Variants in PMFBP1 observed in about 807,000 individuals in gnomAD.
PMFBP1 encodes polyamine-modulated factor 1-binding protein 1.
PMFBP1 carries 131 observed loss-of-function variants against 137.8 expected under a neutral mutation model. The ratio of observed to expected loss-of-function variants is 0.95; its 90% confidence interval spans 0.82 to 1.10. PMFBP1 has a LOEUF of 1.10. PMFBP1 is among the 50% of genes least tolerant of loss of function. PMFBP1 has a pLI of 0.00. For missense variants in PMFBP1, 1,199 were observed against 1,175.4 expected (o/e 1.02, Z -0.29); for synonymous variants, 490 against 450.4 (o/e 1.09, Z -1.11).
the PMFBP1 span, among the ~76,000 whole-genome samples, chr16:72,242,257 AC>A: frequency 6.6e-6 from 1 of 152,266 alleles, no homozygotes; most frequent in African/African-American, 2.4e-5. Flanking sequence ...GCACTAGATT[AC>A]AGAGCCCATC....
intron 18 of PMFBP1, among the ~76,000 whole-genome samples, chr16:72,123,229 A>T (rs1174147652): frequency 6.6e-6 from 1 of 152,194 alleles, no homozygotes; most frequent in East Asian, 1.9e-4. Flanking sequence ...GAATGAGTTC[A>T]AGGGGGCCAG....
At chr16:72,192,830 A>C in the PMFBP1 span, among the ~76,000 whole-genome samples, 2 of 150,846 alleles carry the variant, frequency 1.3e-5, no homozygotes, top group African/African-American at 4.9e-5. Flanking sequence ...TGAACTCGGG[A>C]GGCGAAAGTC....
intron 3 of PMFBP1, chr16:72,164,409 C>T: frequency 7.6e-7 from 1 of 1,311,786 alleles, no homozygotes; most frequent in Non-Finnish European, 1.0e-6. Context: ...TCATGGTTGA[C>T]TTAGAAGTTT....
the PMFBP1 span, among the ~76,000 whole-genome samples, chr16:72,189,813 A>G: frequency 6.6e-6 from 1 of 152,336 alleles, no homozygotes; most frequent in Admixed American, 6.5e-5. Context: ...CTGATAACTC[A>G]GAGGGTAGGG....
At chr16:72,123,020 C>T (rs1289271832) in intron 18 of PMFBP1, 32 bp from the exon 19 acceptor site, 2 of 1,593,272 alleles carry the variant, frequency 1.3e-6, no homozygotes, top group Admixed American at 1.7e-5. Context: ...AAACAGCAGC[C>T]AGTCGCCAGC....
At chr16:72,213,184 T>A in the PMFBP1 span, among the ~76,000 whole-genome samples, 2 of 132,548 alleles carry the variant, frequency 1.5e-5, no homozygotes, top group Non-Finnish European at 3.2e-5. Context: ...TGGTCCAGAT[T>A]ACAGCAAGAG....
the PMFBP1 span, among the ~76,000 whole-genome samples, chr16:72,193,168 C>G: frequency 6.6e-6 from 1 of 152,116 alleles, no homozygotes; most frequent in Non-Finnish European, 1.5e-5. Flanking sequence ...GAGAGGATCA[C>G]TTGAGGCCAG....
At chr16:72,243,782 T>G in the PMFBP1 span, among the ~76,000 whole-genome samples, 1 of 152,136 alleles carries the variant, frequency 6.6e-6, no homozygotes, top group Non-Finnish European at 1.5e-5. Flanking sequence ...TTTAAAGATC[T>G]CTGCCTAAAC....
upstream of PMFBP1, among the ~76,000 whole-genome samples, chr16:72,177,199 T>C (rs557790288): frequency 6.6e-6 from 1 of 152,360 alleles, no homozygotes; most frequent in African/African-American, 2.4e-5. Context: ...CTTTACGAGA[T>C]ATATTCTTTC....
At chr16:72,171,911 G>A (rs1596983145) in intron 1 of PMFBP1, 143 bp downstream of exon 1, 2 of 152,202 alleles carry the variant, frequency 1.3e-5, no homozygotes, top group East Asian at 1.9e-4. Flanking sequence ...AAGCCTCCCA[G>A]GAAACCAAAG....
the PMFBP1 span, among the ~76,000 whole-genome samples, chr16:72,219,886 C>G: frequency 6.9e-4 from 105 of 152,276 alleles, no homozygotes; most frequent in African/African-American, 2.5e-3. Context: ...CAGGTCTTGG[C>G]CATGTTAGGG....
At chr16:72,225,379 G>A in the PMFBP1 span, among the ~76,000 whole-genome samples, 43 of 152,154 alleles carry the variant, frequency 2.8e-4, no homozygotes, top group Middle Eastern at 6.8e-3. Flanking sequence ...CAGGACAGCA[G>A]GGAAATAAAG....
chr16:72,132,257 G>A (rs2042560125), intron 10 of PMFBP1, among the ~76,000 whole-genome samples: 2 of 152,152 alleles, frequency 1.3e-5, no homozygotes, highest in Admixed American at 1.3e-4. Context: ...GAGAAACCCT[G>A]TACCCAAGGA....
chr16:72,199,345 G>A, the PMFBP1 span, among the ~76,000 whole-genome samples: 24 of 152,278 alleles, frequency 1.6e-4, no homozygotes, highest in East Asian at 1.7e-3. Flanking sequence ...TATGTTGAAC[G>A]TCATGCAAAA....
chr16:72,172,840 T>C (rs1322832597), upstream of PMFBP1, among the ~76,000 whole-genome samples: 1 of 152,150 alleles, frequency 6.6e-6, no homozygotes, highest in Non-Finnish European at 1.5e-5. Flanking sequence ...GATGTGGACA[T>C]AAGGGAGCAC....
chr16:72,185,784 T>A, the PMFBP1 span, among the ~76,000 whole-genome samples: 9 of 152,162 alleles, frequency 5.9e-5, no homozygotes, highest in Non-Finnish European at 1.2e-4. Flanking sequence ...AAGAGTCAAA[T>A]TAACTAATTT....
chr16:72,232,052 C>T, the PMFBP1 span, among the ~76,000 whole-genome samples: 1 of 152,138 alleles, frequency 6.6e-6, no homozygotes, highest in Non-Finnish European at 1.5e-5. Flanking sequence ...AACTAGTGAG[C>T]TCCAAGTCAA....
chr16:72,128,748 C>A lies in PMFBP1; in HGVS notation c.1997G>T (p.Arg666Leu). Residue 666 changes from arginine (R) to leucine (L), a missense_variant, in exon 14 of 21, where the codon CGA becomes CTA. Physicochemically the swap from Arg to Leu is moderately radical, Grantham distance 102. Transcript: ENST00000237353. ...RKLEEENENL[R>L]AELQCCSTQL... is the part of the protein sequence containing the mutation. ...TGTAGAACAACACTGTAGCTCTGCTCGGAGATTCTCATTTTCTTCCTCCAA... is the reference window on the plus strand; with the variant it reads ...TGTAGAACAACACTGTAGCTCTGCTAGGAGATTCTCATTTTCTTCCTCCAA... 6.2e-7 allele frequency: 1 copy of A among 1,614,094 alleles called. No individual in the cohort carries two copies. The highest frequency in any genetic ancestry group is 1.6e-4 in the Middle Eastern group (1 of 6,062).
At chr16:72,194,278 C>T in the PMFBP1 span, among the ~76,000 whole-genome samples, 8 of 152,272 alleles carry the variant, frequency 5.3e-5, no homozygotes, top group South Asian at 1.7e-3. Flanking sequence ...TTTAAAAACT[C>T]ATTCTGCTTT....
Sources: allele counts gnomAD v4.1 joint callset (sites outside exome capture counted in the v4.1 genomes callset), GRCh38; gene constraint gnomAD v4.1.1; transcripts MANE v1.5; gene names NCBI Gene and HGNC (gene_info 2026-07-23, HGNC 2026-07-21).